GLB1: variants seen among roughly 807,000 people sequenced by gnomAD.
The protein encoded by GLB1 is beta-galactosidase.
In GLB1, 56 loss-of-function variants were observed where a neutral mutation model predicts 74.0. The ratio of observed to expected loss-of-function variants is 0.76; its 90% CI spans 0.61 to 0.94. GLB1 has a LOEUF of 0.94. GLB1 is among the 40% of genes least tolerant of loss of function. The pLI, the probability that GLB1 is intolerant of heterozygous loss-of-function variation, is 0.00. For missense variants in GLB1, 787 were observed against 845.5 expected (o/e 0.93, Z 0.86); for synonymous variants, 323 against 323.6 (o/e 1.00, Z 0.02).
the GLB1 span, among the ~76,000 whole-genome samples, chr3:32,973,114 C>A: frequency 0.059 from 8,916 of 152,268 alleles, 371 homozygotes; most frequent in African/African-American, 0.12. Context: ...GGTAACTTAA[C>A]TCTTTGTTCG....
intron 4 of GLB1, 108 bp from the exon 5 acceptor site, chr3:33,065,665 T>G (rs1015706951): frequency 1.1e-5 from 15 of 1,359,160 alleles, no homozygotes; most frequent in Non-Finnish European, 1.5e-5. Flanking sequence ...GTAAACTTTT[T>G]AAAAACATTC....
chr3:32,984,286 AGGGGAATTCAAGGGCGTTGCTCAGG>A, the GLB1 span, among the ~76,000 whole-genome samples: 1 of 151,870 alleles, frequency 6.6e-6, no homozygotes, highest in Non-Finnish European at 1.5e-5. Flanking sequence ...GGTTCCTCTG[AGGGGAATTCAAGGGCGTTGCTCAGG>A]GGGGAATTCA....
Position 33,090,395 on chromosome 3 carries a change from C to A in GLB1, c.75+6616G>T, listed in dbSNP as rs767349064. On this transcript the variant is annotated intron_variant, in intron 1 of 15. Transcript: ENST00000307363. Reference sequence around the variant, plus strand: ...AGTTTAAAACAAACCAAACAAAACACGAGGGGAAGAAAAGCATGGATGGGT... The same window carrying A: ...AGTTTAAAACAAACCAAACAAAACAAGAGGGGAAGAAAAGCATGGATGGGT... 4 of 985,002 alleles carry A rather than the reference C, an allele frequency of 4.1e-6. No homozygotes were observed. The African/African-American group carries it at 7.0e-5, about 17-fold the overall frequency. 61.0% of individuals were successfully genotyped at this position (985,002 alleles called of 1,614,324 possible).
intron 10 of GLB1, chr3:33,030,656 G>T (rs1697966187): frequency 2.0e-6 from 2 of 985,236 alleles, no homozygotes; most frequent in Non-Finnish European, 1.2e-6. Context: ...AATCACTGTG[G>T]CTGTTCTCCC....
the GLB1 span, among the ~76,000 whole-genome samples, chr3:32,984,957 T>G: frequency 4.0e-5 from 6 of 149,128 alleles, no homozygotes; most frequent in African/African-American, 1.5e-4. Context: ...AAAAAAAAAT[T>G]AGCCTGGTGT....
chr3:33,051,806 G>C lies in GLB1; in HGVS notation c.915-8C>G, dbSNP rs1003927822. On this transcript the variant is annotated splice_polypyrimidine_tract_variant and splice_region_variant and intron_variant, in intron 8 of 15. Transcript: ENST00000307363. ...CCACCTATAAACATGTACCTACAAG[G>C]AAACAAAAGAACACGGTACTTCACT... 1 of 1,614,058 alleles carries C rather than the reference G, an allele frequency of 6.2e-7. No homozygotes were observed.
At chr3:33,036,613 A>G (rs1267623150) in intron 10 of GLB1, among the ~76,000 whole-genome samples, 1 of 152,230 alleles carries the variant, frequency 6.6e-6, no homozygotes, top group Non-Finnish European at 1.5e-5. Flanking sequence ...AAAAGATGGA[A>G]ACAACTGAAA....
chr3:32,967,710 A>G, the GLB1 span, among the ~76,000 whole-genome samples: 1 of 152,186 alleles, frequency 6.6e-6, no homozygotes, highest in East Asian at 1.9e-4. Flanking sequence ...CCATGAATGG[A>G]GACAACAGAT....
At chr3:33,029,764 A>C (rs1321965854) in intron 10 of GLB1, among the ~76,000 whole-genome samples, 4 of 152,162 alleles carry the variant, frequency 2.6e-5, no homozygotes, top group Non-Finnish European at 5.9e-5. Context: ...GAACACATGG[A>C]CACAAAGAGG....
chr3:33,028,641 A>T, intron 10 of GLB1, among the ~76,000 whole-genome samples: 1 of 151,602 alleles, frequency 6.6e-6, no homozygotes, highest in Admixed American at 6.6e-5. Context: ...AAGTATCCAT[A>T]CTTGCTTATG....
At chr3:33,037,814 C>T (rs1698339044) in intron 10 of GLB1, 3 of 152,112 alleles carry the variant, frequency 2.0e-5, no homozygotes, top group Admixed American at 2.0e-4. Flanking sequence ...TGAAATTTTA[C>T]AATGACATAA....
In GLB1 at chr3:33,093,275, A is replaced by C; in HGVS notation, c.75+3736T>G. ...CACCACGTTGGGCCCGTGTGGCGGA[A>C]ATCTTCACGTTCTCATTATGAAGAG... On this transcript the variant is annotated intron_variant, in intron 1 of 15. Coordinates refer to ENST00000307363, the MANE Select transcript of GLB1 (RefSeq NM_000404.4). This position sits in a 1 kb window ranked among gnomAD's most constrained non-coding sequence, Gnocchi z 6.0. 1 of 1,614,160 alleles carries C rather than the reference A, an allele frequency of 6.2e-7. No homozygotes were observed. Among genetic ancestry groups the C allele is most frequent in the African/African-American group, 1.3e-5 (1 of 75,050 alleles).
intron 10 of GLB1, among the ~76,000 whole-genome samples, chr3:33,025,490 C>T (rs1559387932): frequency 6.6e-6 from 1 of 152,072 alleles, no homozygotes. Flanking sequence ...TCTCAAGATC[C>T]TTCTATTTCT....
chr3:33,094,092 A>C, intron 1 of GLB1: 1 of 1,614,262 alleles, frequency 6.2e-7, no homozygotes, highest in Non-Finnish European at 8.5e-7. Flanking sequence ...CCTGAGCTCA[A>C]GGCTCTCTGC....
chr3:32,994,190 C>A (rs576751299), downstream of GLB1, among the ~76,000 whole-genome samples: 3 of 152,204 alleles, frequency 2.0e-5, no homozygotes, highest in South Asian at 6.2e-4. Flanking sequence ...CATCAGCTGG[C>A]AAATGGATAA....
At chr3:33,094,966 T>C (rs1048344973) in intron 1 of GLB1, among the ~76,000 whole-genome samples, 1 of 152,178 alleles carries the variant, frequency 6.6e-6, no homozygotes, top group Admixed American at 6.5e-5. Flanking sequence ...ATTCCAGCAC[T>C]TTGGGAGGCC....
intron 10 of GLB1, among the ~76,000 whole-genome samples, chr3:33,032,077 C>A (rs995073330): frequency 6.6e-6 from 1 of 152,128 alleles, no homozygotes; most frequent in Non-Finnish European, 1.5e-5. Context: ...GGATTACACA[C>A]GTGAGCCACT....
the GLB1 span, among the ~76,000 whole-genome samples, chr3:32,976,925 C>T: frequency 6.6e-6 from 1 of 152,176 alleles, no homozygotes; most frequent in Non-Finnish European, 1.5e-5. Context: ...TGCTGTGACA[C>T]TGTAGACCGC....
the GLB1 span, among the ~76,000 whole-genome samples, chr3:32,964,082 A>C: frequency 6.6e-6 from 1 of 152,208 alleles, no homozygotes; most frequent in Non-Finnish European, 1.5e-5. Flanking sequence ...AGATAGGTAC[A>C]AGATAGCATG....
Sources: gnomAD v4.1 joint callset for allele counts (sites outside exome capture counted in the v4.1 genomes callset) on GRCh38, gnomAD v4.1.1 for gene constraint, Gnocchi (gnomAD v3.1) non-coding constraint, MANE v1.5 for transcripts, NCBI Gene and HGNC (gene_info 2026-07-23, HGNC 2026-07-21) for gene names.